CREB5: variants seen among roughly 807,000 people sequenced by gnomAD.
CREB5 encodes cAMP responsive element binding protein 5.
A neutral mutation model predicts 57.1 loss-of-function variants in CREB5; 19 were observed. The observed-to-expected ratio is 0.33, with a 90% confidence interval of 0.23 to 0.49. The LOEUF (loss-of-function observed/expected upper bound fraction) is 0.49. CREB5 is among the 20% of genes least tolerant of loss of function. CREB5 has a pLI of 0.99. For synonymous variants in CREB5, 238 were observed against 238.3 expected, an observed-to-expected ratio of 1.00 and a Z score of 0.01; for missense variants, 579 against 671.6, an observed-to-expected ratio of 0.86 and a Z score of 1.52.
At chr7:28,364,897 T>C (rs1315383286) in intron 1 of CREB5, among the ~76,000 whole-genome samples, 1 of 152,166 alleles carries the variant, frequency 6.6e-6, no homozygotes, top group Non-Finnish European at 1.5e-5. Flanking sequence ...AACATTCTTT[T>C]ATAGCCCTCT....
At chr7:28,535,586 G>A (rs1339286021) in intron 4 of CREB5, among the ~76,000 whole-genome samples, 1 of 151,842 alleles carries the variant, frequency 6.6e-6, no homozygotes, top group African/African-American at 2.4e-5. Flanking sequence ...AAATATTTAT[G>A]TAGTGGTTAT....
intron 5 of CREB5, among the ~76,000 whole-genome samples, chr7:28,586,102 T>A (rs1796296493): frequency 6.6e-6 from 1 of 152,296 alleles, no homozygotes; most frequent in Admixed American, 6.5e-5. Context: ...CTATTTTTAA[T>A]AAGCCAGAAA....
chr7:28,507,599 T>G lies in CREB5; in HGVS notation c.170-17T>G. On this transcript the variant is annotated splice_polypyrimidine_tract_variant and intron_variant, in intron 3 of 10. Transcript: ENST00000357727. ...AGAAAAAAGACCCATTTATGAGCTC[T>G]CCGACTCTGTTTTCAGATCAAACTC... 6.2e-7 allele frequency: 1 copy of G among 1,604,624 alleles called. No individual in the cohort carries two copies. Among genetic ancestry groups the G allele is most frequent in the Non-Finnish European group, 8.5e-7 (1 of 1,173,042 alleles).
chr7:28,410,413 GA>G (rs1206516600), upstream of CREB5: 1 of 456,784 alleles, frequency 2.2e-6, no homozygotes, highest in Non-Finnish European at 4.4e-6. Context: ...ATTCTCGGCA[GA>G]ATCACTTGAA....
intron 5 of CREB5, among the ~76,000 whole-genome samples, chr7:28,687,513 G>A (rs1801003892): frequency 6.7e-6 from 1 of 149,024 alleles, no homozygotes; most frequent in African/African-American, 2.5e-5. Context: ...TATGCTGCCT[G>A]AGTTGGGTGC....
chr7:28,472,572 C>T (rs914401676), intron 1 of CREB5, among the ~76,000 whole-genome samples: 13 of 152,066 alleles, frequency 8.5e-5, no homozygotes, highest in Non-Finnish European at 1.3e-4. Flanking sequence ...TCTTACTTTG[C>T]GGGGAAGTCT....
intron 1 of CREB5, among the ~76,000 whole-genome samples, chr7:28,376,409 C>G: frequency 6.6e-6 from 1 of 151,780 alleles, no homozygotes; most frequent in Non-Finnish European, 1.5e-5. Flanking sequence ...GCTGGGACTA[C>G]GGGTGTGTGC....
rs562015077 is a variant in CREB5, at chr7:28,367,277, C to T, written c.-25+67836C>T. ...TCCTGCAAGCTCAGAGTCGTACATA[C>T]AACCTCAAGCTCAGTTGCCCAGTGT... On this transcript the variant is annotated intron_variant, in intron 1 of 9. Coordinates refer to the CREB5 transcript ENST00000396299. Among the ~76,000 whole-genome samples, 4 of 152,298 alleles carry T rather than the reference C, an allele frequency of 2.6e-5. No individual in the cohort carries two copies. The East Asian group carries it at 7.7e-4, about 29-fold the overall frequency.
At chr7:28,731,969 T>G (rs567387524) in intron 7 of CREB5, among the ~76,000 whole-genome samples, 4 of 152,266 alleles carry the variant, frequency 2.6e-5, no homozygotes, top group African/African-American at 9.6e-5. Flanking sequence ...TTGGTTTTGC[T>G]TGTCACCAAC....
chr7:28,580,425 C>T (rs1191229565), intron 5 of CREB5, among the ~76,000 whole-genome samples: 1 of 72,278 alleles, frequency 1.4e-5, no homozygotes. Flanking sequence ...CCAATCCCCC[C>T]CCACCACACA....
At chr7:28,393,034 C>T (rs987153022) in intron 1 of CREB5, among the ~76,000 whole-genome samples, 3 of 152,044 alleles carry the variant, frequency 2.0e-5, no homozygotes, top group Non-Finnish European at 4.4e-5. Flanking sequence ...AAGCGATTCT[C>T]CTGTCTCAGC....
chr7:28,816,052 T>C (rs1809418628), intron 9 of CREB5, among the ~76,000 whole-genome samples: 1 of 116,958 alleles, frequency 8.6e-6, no homozygotes, highest in Admixed American at 8.1e-5. Flanking sequence ...AGCAAATATA[T>C]ACGCACACAC....
In CREB5 at chr7:28,580,378, G is replaced by C. The variant is rs537796298; in HGVS notation, c.464+9841G>C. Among the ~76,000 whole-genome samples the C allele has an allele frequency of 3.6e-5, 5 of 140,584 alleles. No individual in the cohort carries two copies. The East Asian group carries it at 1.2e-3, about 34-fold the overall frequency. The allele number at this position is 140,584 out of a possible 152,430, so 92.2% of individuals were successfully genotyped here. On this transcript the variant is annotated intron_variant, in intron 5 of 10. Transcript: ENST00000357727. ...AGGAAAATGAGGGGTGTCTGTGTGT[G>C]TGGGGGGGGCATGTGGTGTCAACTG...
intron 7 of CREB5, among the ~76,000 whole-genome samples, chr7:28,737,566 T>A (rs1320741246): frequency 1.0e-4 from 10 of 95,298 alleles, no homozygotes; most frequent in African/African-American, 3.2e-4. Flanking sequence ...TATATATATA[T>A]ATATATATAT....
intron 1 of CREB5, among the ~76,000 whole-genome samples, chr7:28,328,425 T>C (rs1785650130): frequency 6.6e-6 from 1 of 152,204 alleles, no homozygotes; most frequent in African/African-American, 2.4e-5. Context: ...TTCAAGTATC[T>C]TTGGCAAGAG....
At chr7:28,496,719 G>C (rs1792071721) in intron 3 of CREB5, among the ~76,000 whole-genome samples, 1 of 152,028 alleles carries the variant, frequency 6.6e-6, no homozygotes, top group South Asian at 2.1e-4. Flanking sequence ...GCTCTGGCTT[G>C]GAAGACACCG....
intron 1 of CREB5, among the ~76,000 whole-genome samples, chr7:28,436,989 A>C (rs531381636): frequency 2.6e-5 from 4 of 152,242 alleles, no homozygotes; most frequent in Non-Finnish European, 5.9e-5. Context: ...CCAGGTTTCA[A>C]AGGAGAAGAA....
intron 5 of CREB5, among the ~76,000 whole-genome samples, chr7:28,663,797 C>G (rs997222602): frequency 6.6e-6 from 1 of 151,920 alleles, no homozygotes; most frequent in African/African-American, 2.4e-5. Flanking sequence ...ATTCTTTCCC[C>G]TTCTCTCATT....
At chr7:28,517,949 G>A (rs920462439) in intron 4 of CREB5, among the ~76,000 whole-genome samples, 1 of 152,088 alleles carries the variant, frequency 6.6e-6, no homozygotes, top group Admixed American at 6.5e-5. Flanking sequence ...GGATGAGACC[G>A]GTGTGTATGA....
Sources: gnomAD v4.1 joint callset for allele counts (sites outside exome capture counted in the v4.1 genomes callset) on GRCh38, gnomAD v4.1.1 for gene constraint, MANE v1.5 for transcripts, NCBI Gene and HGNC (gene_info 2026-07-23, HGNC 2026-07-21) for gene names.